TRANK1: variants seen among roughly 807,000 people sequenced by gnomAD.
The protein encoded by TRANK1 is TPR and ankyrin repeat-containing protein 1.
In TRANK1, 198 loss-of-function variants were observed where a neutral mutation model predicts 266.0. The ratio of observed to expected loss-of-function variants is 0.74; its 90% CI spans 0.66 to 0.84. TRANK1 has a LOEUF of 0.84. TRANK1 is among the 40% of genes least tolerant of loss of function. The probability of loss-of-function intolerance (pLI) is 0.00; values close to 1 mark genes in which losing one functional copy is unlikely to be tolerated. For synonymous variants in TRANK1, 1,396 were observed against 1,384.1 expected (o/e 1.01, Z -0.19); for missense variants, 3,326 against 3,634.6 (o/e 0.92, Z 2.18).
chr3:36,848,819 A>T (rs2078948650), intron 15 of TRANK1, among the ~76,000 whole-genome samples: 2 of 152,202 alleles, frequency 1.3e-5, no homozygotes, highest in African/African-American at 2.4e-5. Flanking sequence ...AGAAGACACA[A>T]GTGTTTGACA....
At chr3:36,906,489 A>G (rs1447751623) in intron 2 of TRANK1, among the ~76,000 whole-genome samples, 5 of 152,244 alleles carry the variant, frequency 3.3e-5, no homozygotes, top group African/African-American at 7.2e-5. Context: ...ATGGAAAAAG[A>G]CAAACTTTTG....
Position 36,881,886 on chromosome 3 carries a change from A to C in TRANK1, c.908-7590T>G, listed in dbSNP as rs377235324. ...TTGTCTGCTTCTTTCACCTAGCATA[A>C]CGCAATCTTCCTCCGTGTTGTAGCA... On this transcript the variant is annotated intron_variant, in intron 8 of 23. Transcript: ENST00000645898. Among the ~76,000 whole-genome samples the C allele has an allele frequency of 2.0e-5, 3 of 152,264 alleles. No homozygotes were observed. The East Asian group carries it at 5.8e-4, about 29-fold the overall frequency.
At chr3:36,838,941 G>C (rs756178307) in intron 18 of TRANK1, among the ~76,000 whole-genome samples, 1 of 152,180 alleles carries the variant, frequency 6.6e-6, no homozygotes, top group Admixed American at 6.5e-5. Context: ...AGCACCCGTC[G>C]AAAAGGTACA....
intron 9 of TRANK1, among the ~76,000 whole-genome samples, chr3:36,871,913 G>T (rs917081926): frequency 5.3e-5 from 8 of 152,156 alleles, no homozygotes; most frequent in Admixed American, 4.6e-4. Flanking sequence ...GCCCTCTACA[G>T]GTTGCCTGCA....
At chr3:36,840,795 C>T (rs1024367991) in intron 18 of TRANK1, among the ~76,000 whole-genome samples, 5 of 152,196 alleles carry the variant, frequency 3.3e-5, no homozygotes, top group Admixed American at 3.3e-4. Context: ...GCAGACATGC[C>T]CAGCTGACTG....
chr3:36,846,133 T>G, intron 17 of TRANK1, 115 bp downstream of exon 17: 1 of 1,117,888 alleles, frequency 8.9e-7, no homozygotes, highest in East Asian at 2.7e-5. Context: ...CTCAGAAGAT[T>G]GTGGAAAAGA....
chr3:36,906,863 A>G (rs1187914983), intron 2 of TRANK1, among the ~76,000 whole-genome samples: 5 of 152,234 alleles, frequency 3.3e-5, no homozygotes, highest in African/African-American at 1.2e-4. Flanking sequence ...AAAAATTTGT[A>G]TTGCTTTAAG....
At chr3:36,943,097 C>CAGGAGAATCGCTTGAACCCAGG (rs1419407941) in intron 1 of TRANK1, among the ~76,000 whole-genome samples, 2 of 151,892 alleles carry the variant, frequency 1.3e-5, no homozygotes, top group Non-Finnish European at 2.9e-5. Context: ...GAGGCTGCGG[C>CAGGAGAATCGCTTGAACCCAGG]AGGAGAATCG....
intron 1 of TRANK1, among the ~76,000 whole-genome samples, chr3:36,925,564 G>A (rs1314974858): frequency 6.6e-6 from 1 of 151,184 alleles, no homozygotes; most frequent in African/African-American, 2.4e-5. Flanking sequence ...TTAAAAGTTA[G>A]TAAGTCCAAT....
intron 1 of TRANK1, among the ~76,000 whole-genome samples, chr3:36,910,602 C>T (rs554527633): frequency 8.8e-4 from 133 of 151,608 alleles, no homozygotes; most frequent in Middle Eastern, 6.9e-3. Flanking sequence ...CAGACAGGTG[C>T]GGTGGCACGC....
At chr3:36,936,041 G>T (rs78293870) in intron 1 of TRANK1, among the ~76,000 whole-genome samples, 1 of 152,210 alleles carries the variant, frequency 6.6e-6, no homozygotes, top group African/African-American at 2.4e-5. Flanking sequence ...AGCACCTGTT[G>T]AGAATCTAAT....
intron 8 of TRANK1, among the ~76,000 whole-genome samples, chr3:36,883,966 GA>G (rs1185868151): frequency 1.3e-5 from 2 of 152,244 alleles, no homozygotes; most frequent in Non-Finnish European, 2.9e-5. Flanking sequence ...AAAAAACACT[GA>G]ATATAAATGA....
At chr3:36,932,465 A>T (rs753661201) in intron 1 of TRANK1, among the ~76,000 whole-genome samples, 3 of 152,192 alleles carry the variant, frequency 2.0e-5, no homozygotes, top group Non-Finnish European at 4.4e-5. Context: ...CGGGAGCCTA[A>T]GGCAGGAGAA....
At chr3:36,899,391 A>G (rs900183802) in intron 3 of TRANK1, 132 bp from the exon 4 acceptor site, 5 of 974,856 alleles carry the variant, frequency 5.1e-6, no homozygotes, top group Middle Eastern at 2.7e-4. Flanking sequence ...ACAGTGGCTC[A>G]TGCCTGTAAT....
At chr3:36,932,134 G>GT (rs1262006730) in intron 1 of TRANK1, among the ~76,000 whole-genome samples, 15 of 152,176 alleles carry the variant, frequency 9.9e-5, no homozygotes, top group Non-Finnish European at 1.5e-4. Context: ...CATAAAAAAA[G>GT]TAACAGACAT....
In TRANK1 at chr3:36,892,285, T is replaced by C; in HGVS notation, c.692A>G (p.Gln231Arg). ...EKMEQVPKLVQWLISIGASVE... is the reference protein window; with the variant it reads ...EKMEQVPKLVRWLISIGASVE... ...ACTTGCACCAATGGAGATGAGCCACTGGACTAACTTGGGCACTTGTTCCAT... is the reference window on the plus strand; with the variant it reads ...ACTTGCACCAATGGAGATGAGCCACCGGACTAACTTGGGCACTTGTTCCAT... The change falls in exon 7 of 24, where the codon CAG (glutamine) becomes CGG (arginine). Residue 231 changes from glutamine (Q) to arginine (R), a missense_variant. Coordinates refer to ENST00000645898, the MANE Select transcript of TRANK1 (RefSeq NM_001329998.2). 2.6e-6 allele frequency: 4 copies of C among 1,537,210 alleles called. No homozygotes were observed. The highest frequency in any genetic ancestry group is 1.2e-5 in the South Asian group (1 of 84,060).
intron 1 of TRANK1, among the ~76,000 whole-genome samples, chr3:36,922,932 A>G (rs1418403772): frequency 6.6e-6 from 1 of 152,172 alleles, no homozygotes; most frequent in Non-Finnish European, 1.5e-5. Context: ...GCCGAGGGAA[A>G]GCAACAACAG....
At chr3:36,907,631 A>G (rs2079991603) in intron 2 of TRANK1, among the ~76,000 whole-genome samples, 1 of 150,044 alleles carries the variant, frequency 6.7e-6, no homozygotes, top group Non-Finnish European at 1.5e-5. Flanking sequence ...CACCCGGCTA[A>G]TCTGTTGTAT....
chr3:36,915,553 T>C (rs993866324), intron 1 of TRANK1, among the ~76,000 whole-genome samples: 2 of 152,192 alleles, frequency 1.3e-5, no homozygotes, highest in Admixed American at 1.3e-4. Flanking sequence ...ATTATTCATA[T>C]AGCATCTACC....
Sources: gnomAD v4.1 joint callset for allele counts (sites outside exome capture counted in the v4.1 genomes callset) on GRCh38, gnomAD v4.1.1 for gene constraint, MANE v1.5 for transcripts, NCBI Gene and HGNC (gene_info 2026-07-23, HGNC 2026-07-21) for gene names.